Variants in SYT14 observed in about 807,000 individuals in gnomAD.
SYT14 encodes synaptotagmin-14.
SYT14 carries 32 observed loss-of-function variants against 74.2 expected under a neutral mutation model. The ratio of observed to expected loss-of-function variants is 0.43; its 90% confidence interval spans 0.33 to 0.58. The LOEUF is 0.58. Ranked by LOEUF, SYT14 falls within the 20% of genes least tolerant of loss-of-function variation. The pLI is 0.05. For synonymous variants in SYT14, 298 were observed against 337.7 expected (o/e 0.88, Z 1.29); for missense variants, 791 against 981.8 (o/e 0.81, Z 2.60).
intron 5 of SYT14, among the ~76,000 whole-genome samples, chr1:210,022,361 G>A (rs1036454690): frequency 2.0e-5 from 3 of 152,062 alleles, no homozygotes; most frequent in African/African-American, 7.2e-5. Context: ...GAGATTCAAG[G>A]GAAGAAGTAA....
intron 7 of SYT14, among the ~76,000 whole-genome samples, chr1:210,135,154 G>A (rs531712570): frequency 3.9e-5 from 6 of 152,068 alleles, no homozygotes; most frequent in African/African-American, 1.4e-4. Context: ...CTAATTTTTT[G>A]TATTTTTAGT....
chr1:210,094,129 G>A (rs1238621427), intron 5 of SYT14, among the ~76,000 whole-genome samples, 193 bp from the exon 5 acceptor site: 1 of 152,146 alleles, frequency 6.6e-6, no homozygotes, highest in Admixed American at 6.5e-5. Flanking sequence ...TATGCAGGAG[G>A]CAAGGAGTGG....
chr1:210,015,831 C>A, exon 4 of SYT14: 140 of 1,092,022 alleles, frequency 1.3e-4, no homozygotes, highest in Middle Eastern at 7.5e-4. Flanking sequence ...CAACATATTT[C>A]TTTCAATGCA....
At chr1:209,949,306 G>A (rs2078873036) in intron 1 of SYT14, among the ~76,000 whole-genome samples, 1 of 152,116 alleles carries the variant, frequency 6.6e-6, no homozygotes, top group Admixed American at 6.5e-5. Flanking sequence ...TGGGCGTGGT[G>A]GCTCATGCCT....
At chr1:210,074,144 CAG>C (rs1250166880) in intron 5 of SYT14, among the ~76,000 whole-genome samples, 4 of 152,156 alleles carry the variant, frequency 2.6e-5, no homozygotes, top group Non-Finnish European at 5.9e-5. Context: ...TCACCTACCT[CAG>C]GGGGTTACTG....
At chr1:209,981,227 C>T (rs1026007134) in intron 2 of SYT14, among the ~76,000 whole-genome samples, 1 of 151,940 alleles carries the variant, frequency 6.6e-6, no homozygotes, top group Non-Finnish European at 1.5e-5. Flanking sequence ...GGGCTATGTA[C>T]TTTATTATGT....
chr1:210,096,385 G>T (rs1485457037), intron 6 of SYT14, among the ~76,000 whole-genome samples: 1 of 152,152 alleles, frequency 6.6e-6, no homozygotes, highest in Non-Finnish European at 1.5e-5. Context: ...GTGTGTGTGA[G>T]AGAGAGAGAA....
chr1:209,952,760 A>G lies in SYT14; in HGVS notation c.-486+4A>G, dbSNP rs368549516. 5.0e-6 allele frequency: 8 copies of G among 1,608,564 alleles called. No homozygotes were observed. The African/African-American group carries it at 8.0e-5, about 16-fold the overall frequency. On this transcript the variant is annotated splice_donor_region_variant and intron_variant, in intron 2 of 9. Transcript: ENST00000637265. The stretch of plus-strand genomic sequence containing the variant: ...GAACTTATCTGTATTAGAAAAGGTA[A>G]GTCATTGCTCTGCATGGCTATTTAC...
At chr1:210,134,428 A>G (rs963212447) in intron 7 of SYT14, among the ~76,000 whole-genome samples, 5 of 152,004 alleles carry the variant, frequency 3.3e-5, no homozygotes, top group African/African-American at 1.2e-4. Flanking sequence ...GCTCTTAACT[A>G]TGCATTACTC....
In SYT14 at chr1:210,113,378, T is replaced by A. The variant is rs2082301173; in HGVS notation, c.2034+12917T>A. Among the ~76,000 whole-genome samples the A allele has an allele frequency of 1.3e-5, 2 of 151,150 alleles. 1 individual carries two copies. Among genetic ancestry groups the A allele is most frequent in the African/African-American group, 4.9e-5 (2 of 40,490 alleles). ...TATGGGTTTGGCACCATGAGGTGGA[T>A]AGGCAAAACAATTTAGTTGATAAGG... On this transcript the variant is annotated intron_variant, in intron 7 of 9. Transcript: ENST00000637265.
chr1:209,945,293 C>T (rs755578122), intron 1 of SYT14, among the ~76,000 whole-genome samples: 12 of 152,118 alleles, frequency 7.9e-5, no homozygotes, highest in African/African-American at 2.2e-4. Flanking sequence ...TACTAGGTGA[C>T]GCTGAGTTTA....
chr1:209,957,828 A>AT (rs1329887882), intron 2 of SYT14, among the ~76,000 whole-genome samples: 5 of 151,944 alleles, frequency 3.3e-5, no homozygotes, highest in Admixed American at 2.0e-4. Flanking sequence ...GGCAGATTCC[A>AT]TTTTTTTCAG....
At chr1:210,023,874 C>T (rs978833876) in intron 5 of SYT14, among the ~76,000 whole-genome samples, 4 of 152,142 alleles carry the variant, frequency 2.6e-5, no homozygotes, top group African/African-American at 9.7e-5. Context: ...TTGCCTTGCT[C>T]AGTAGTTTTT....
intron 7 of SYT14, among the ~76,000 whole-genome samples, chr1:210,135,305 G>C (rs2082761711): frequency 6.6e-6 from 1 of 151,950 alleles, no homozygotes; most frequent in African/African-American, 2.4e-5. Flanking sequence ...TTTCCTCTGT[G>C]GTTTGATTTT....
rs568624747 is a variant in SYT14, at chr1:210,015,875, GT to G, written c.-128del. On this transcript the variant is annotated 5_prime_UTR_variant, in exon 4 of 10. Coordinates refer to ENST00000637265, the Ensembl canonical transcript of SYT14. Reference sequence around the variant, plus strand: ...TTACAGAAAGATTAAAAGCTACAATGTGAATTGCTAATATTGAGCTGACGAA... The same window carrying G: ...TTACAGAAAGATTAAAAGCTACAATGGAATTGCTAATATTGAGCTGACGAA... 59 of 1,219,732 alleles carry G rather than the reference GT, an allele frequency of 4.8e-5. No homozygotes were observed. In the South Asian group the frequency reaches 2.0e-3, roughly 41 times the overall value. 75.6% of individuals were successfully genotyped at this position (1,219,732 alleles called of 1,614,324 possible). A position where few individuals can be genotyped will look rare whatever the true frequency, so the allele number is the denominator to read the frequency against.
At chr1:210,144,423 A>G (rs2082986661) in intron 7 of SYT14, among the ~76,000 whole-genome samples, 1 of 152,178 alleles carries the variant, frequency 6.6e-6, no homozygotes, top group Admixed American at 6.5e-5. Context: ...TGGAGATGCT[A>G]AATACCTTAC....
At chr1:210,114,642 C>T (rs186968585) in intron 7 of SYT14, among the ~76,000 whole-genome samples, 9 of 151,182 alleles carry the variant, frequency 6.0e-5, no homozygotes, top group East Asian at 1.9e-4. Context: ...GGAGCCTAAA[C>T]GCTAACTGAT....
intron 5 of SYT14, among the ~76,000 whole-genome samples, chr1:210,025,421 T>C (rs2080389367): frequency 6.6e-6 from 1 of 152,226 alleles, no homozygotes; most frequent in South Asian, 2.1e-4. Context: ...TTACAAAGGT[T>C]AAACTTGACT....
chr1:210,163,964 T>G (rs2083425143), exon 10 of SYT14: 1 of 452,204 alleles, frequency 2.2e-6, no homozygotes, highest in Non-Finnish European at 4.4e-6. Flanking sequence ...CTAAGTTTTC[T>G]AATAAAATGA....
Sources: allele counts gnomAD v4.1 joint callset (sites outside exome capture counted in the v4.1 genomes callset), GRCh38; gene constraint gnomAD v4.1.1; transcripts MANE v1.5; gene names NCBI Gene and HGNC (gene_info 2026-07-23, HGNC 2026-07-21).